Variants in TNS3 observed in about 807,000 individuals in gnomAD.
TNS3 encodes tensin-3.
TNS3 carries 45 observed loss-of-function variants against 140.9 expected under a neutral mutation model. The observed-to-expected ratio is 0.32, with a 90% confidence interval of 0.25 to 0.41. TNS3 has a LOEUF of 0.41. Ranked by LOEUF, TNS3 falls within the 10% of genes least tolerant of loss-of-function variation. The pLI is 1.00. For synonymous variants in TNS3, 815 were observed against 788.4 expected, an observed-to-expected ratio of 1.03 and a Z score of -0.56; for missense variants, 1,716 against 1,906.7, an observed-to-expected ratio of 0.90 and a Z score of 1.86.
chr7:47,347,185 TG>T (rs1169647540), intron 17 of TNS3, among the ~76,000 whole-genome samples: 4 of 152,334 alleles, frequency 2.6e-5, no homozygotes, highest in Non-Finnish European at 5.9e-5. Context: ...ACATAGTCCC[TG>T]TAAGTGTAGA....
At chr7:47,455,627 G>C (rs1001128533) in intron 4 of TNS3, among the ~76,000 whole-genome samples, 2 of 152,154 alleles carry the variant, frequency 1.3e-5, no homozygotes, top group African/African-American at 4.8e-5. Flanking sequence ...ACTGAAAACT[G>C]AATGGATGAG....
At chr7:47,529,584 T>G (rs1321764923) in intron 1 of TNS3, among the ~76,000 whole-genome samples, 1 of 152,254 alleles carries the variant, frequency 6.6e-6, no homozygotes, top group Non-Finnish European at 1.5e-5. Flanking sequence ...TATGAGGAAG[T>G]CAACTGGCTT....
At chr7:47,435,166 G>A in intron 8 of TNS3, 116 bp downstream of exon 8, 2 of 1,371,712 alleles carry the variant, frequency 1.5e-6, no homozygotes, top group Non-Finnish European at 2.0e-6. Context: ...AACCCATAAG[G>A]AGCACATCGC....
chr7:47,565,874 G>A (rs1800417918), intron 1 of TNS3, among the ~76,000 whole-genome samples: 1 of 152,188 alleles, frequency 6.6e-6, no homozygotes, highest in African/African-American at 2.4e-5. Flanking sequence ...TATGAGAACT[G>A]TAAATGCAGC....
chr7:47,505,886 G>T (rs867138997), intron 3 of TNS3, among the ~76,000 whole-genome samples: 1 of 152,144 alleles, frequency 6.6e-6, no homozygotes, highest in East Asian at 1.9e-4. Flanking sequence ...AGATCGGGAG[G>T]GTCGGGGAAA....
chr7:47,479,502 G>A (rs929616688), intron 4 of TNS3, among the ~76,000 whole-genome samples: 6 of 145,222 alleles, frequency 4.1e-5, no homozygotes, highest in South Asian at 2.3e-4. Context: ...CCCCGTCGGC[G>A]GTGAGTGCCA....
chr7:47,311,399 A>AGT (rs10617598), intron 20 of TNS3, among the ~76,000 whole-genome samples: 26,743 of 147,062 alleles, frequency 0.18, 2,340 homozygotes, highest in East Asian at 0.22. Context: ...GAACTTAAAG[A>AGT]GTGTGTGTGT....
chr7:47,295,587 A>G (rs2150644383), intron 24 of TNS3, among the ~76,000 whole-genome samples: 1 of 152,130 alleles, frequency 6.6e-6, no homozygotes, highest in South Asian at 2.1e-4. Flanking sequence ...TTCAAGAATT[A>G]TCTGTCCTTT....
In TNS3 at chr7:47,369,452, G is replaced by A; in HGVS notation, c.1194C>T (p.Ala398=). The A allele has an allele frequency of 6.2e-7, 1 of 1,614,212 alleles. No homozygotes were observed. The change falls in exon 17 of 31, where the codon GCC becomes GCT. Residue 398 remains alanine (A), a synonymous_variant. Transcript: ENST00000311160. The stretch of plus-strand genomic sequence containing the variant: ...CTTCCGTCTTATCCGTCCTGGCAGA[G>A]GCTGTAGAGTGGCCGGAGTCACTGC... ...SVSSDSGHST[A]SARTDKTEER... is the part of the protein sequence containing the mutation.
chr7:47,334,556 A>T (rs1584422628), intron 20 of TNS3, among the ~76,000 whole-genome samples: 2 of 152,056 alleles, frequency 1.3e-5, no homozygotes, highest in South Asian at 2.1e-4. Flanking sequence ...TTATATTTTT[A>T]AAAAATTATG....
intron 20 of TNS3, among the ~76,000 whole-genome samples, chr7:47,328,604 G>A (rs1376364670): frequency 2.0e-5 from 3 of 151,942 alleles, no homozygotes; most frequent in Non-Finnish European, 1.5e-5. Context: ...CTAACAACAA[G>A]GATGTCCCTA....
intron 10 of TNS3, among the ~76,000 whole-genome samples, chr7:47,422,077 C>A (rs1407894516): frequency 6.6e-6 from 1 of 152,186 alleles, no homozygotes; most frequent in Non-Finnish European, 1.5e-5. Flanking sequence ...AAACTTTCCT[C>A]CAGATTTATC....
At chr7:47,394,797 A>T (rs142250543) in intron 16 of TNS3, among the ~76,000 whole-genome samples, 42 of 152,352 alleles carry the variant, frequency 2.8e-4, no homozygotes, top group Middle Eastern at 6.8e-3. Context: ...GTCCTTCACC[A>T]CCTGTGAGTG....
intron 22 of TNS3, 104 bp from the exon 23 acceptor site, chr7:47,302,376 G>A: frequency 1.1e-6 from 1 of 901,474 alleles, no homozygotes; most frequent in Non-Finnish European, 1.8e-6. Flanking sequence ...CCAAGGGCAA[G>A]CAAGCGAGCG....
chr7:47,557,257 G>A (rs1800220043), intron 1 of TNS3: 1 of 407,904 alleles, frequency 2.5e-6, no homozygotes, highest in Non-Finnish European at 5.0e-6. Flanking sequence ...TTTCCTCAGG[G>A]TGCAGTCACG....
chr7:47,435,700 G>A (rs115774437), intron 7 of TNS3, among the ~76,000 whole-genome samples: 2,592 of 152,192 alleles, frequency 0.017, 60 homozygotes, highest in African/African-American at 0.058. Context: ...TTGTGTGGAC[G>A]GGGCTGCAGT....
At chr7:47,510,396 G>A (rs1236702941) in intron 2 of TNS3, among the ~76,000 whole-genome samples, 1 of 152,168 alleles carries the variant, frequency 6.6e-6, no homozygotes, top group African/African-American at 2.4e-5. Flanking sequence ...TAGCAGTTGT[G>A]TGAGCTGGCA....
chr7:47,435,370 G>A lies in TNS3; in HGVS notation c.236C>T (p.Pro79Leu), dbSNP rs556449235. The change falls in exon 8 of 31, where the codon CCG becomes CTG. Residue 79 changes from proline (P) to leucine (L), a missense_variant. Around this residue, in one of 3 missense-constraint regions of TNS3, gnomAD observed 337 missense variants for 428.9 expected, o/e 0.79. Transcript: ENST00000311160. ...TATGGTACACATCTTATCCAGGGGC[G>A]GTGCGTGGAGCTCTGGCCAGCCCAC... is the stretch of plus-strand genomic sequence containing the variant. ...MDVGWPELHA[P>L]PLDKMCTICK... 14 of 1,613,792 alleles carry A rather than the reference G, an allele frequency of 8.7e-6. No individual in the cohort carries two copies. Among genetic ancestry groups the A allele is most frequent in the Admixed American group, 1.7e-5 (1 of 60,000 alleles).
chr7:47,505,853 ATG>A (rs1232103300), intron 3 of TNS3, among the ~76,000 whole-genome samples: 1 of 152,148 alleles, frequency 6.6e-6, no homozygotes, highest in African/African-American at 2.4e-5. Context: ...GTATTTACTC[ATG>A]TGTGTGTTTG....
Sources: allele counts gnomAD v4.1 joint callset (sites outside exome capture counted in the v4.1 genomes callset), GRCh38; gene constraint gnomAD v4.1.1; regional missense constraint gnomAD v4.1.1; transcripts MANE v1.5; gene names NCBI Gene and HGNC (gene_info 2026-07-23, HGNC 2026-07-21).